PIK3CB: variants seen among roughly 807,000 people sequenced by gnomAD.
PIK3CB encodes phosphatidylinositol 4,5-bisphosphate 3-kinase catalytic subunit beta isoform.
In PIK3CB, 39 loss-of-function variants were observed where a neutral mutation model predicts 136.8. The observed-to-expected ratio is 0.29, with a 90% CI of 0.22 to 0.37. The LOEUF (loss-of-function observed/expected upper bound fraction) is 0.37. Among genes scored for constraint, PIK3CB ranks in the 10% least tolerant of loss-of-function variants. The pLI, the probability that PIK3CB is intolerant of heterozygous loss-of-function variation, is 1.00. For missense variants in PIK3CB, 868 were observed against 1,275.4 expected (o/e 0.68, Z 4.87); for synonymous variants, 428 against 436.6 (o/e 0.98, Z 0.25).
intron 19 of PIK3CB, among the ~76,000 whole-genome samples, chr3:138,678,564 A>G (rs2043697214): frequency 6.6e-6 from 1 of 152,142 alleles, no homozygotes; most frequent in Non-Finnish European, 1.5e-5. Flanking sequence ...AAAATTTCCT[A>G]ATAAAATACA....
At chr3:138,749,423 C>T (rs2045424537) in intron 4 of PIK3CB, among the ~76,000 whole-genome samples, 2 of 152,136 alleles carry the variant, frequency 1.3e-5, no homozygotes, top group Admixed American at 6.6e-5. Context: ...CTCCAATCCA[C>T]TCTTCATTCT....
chr3:138,705,191 A>AAAAAAC (rs1559828792), intron 11 of PIK3CB, among the ~76,000 whole-genome samples: 8 of 93,498 alleles, frequency 8.6e-5, no homozygotes, highest in African/African-American at 4.3e-4. Context: ...CAAAACAAAC[A>AAAAAAC]AAAAAAAAAA....
intron 2 of PIK3CB, among the ~76,000 whole-genome samples, chr3:138,776,221 A>G (rs2045856831): frequency 6.6e-6 from 1 of 152,176 alleles, no homozygotes; most frequent in Non-Finnish European, 1.5e-5. Flanking sequence ...GAAAGAAAGA[A>G]AAATGACATT....
chr3:138,726,407 G>C (rs188048227), intron 8 of PIK3CB, among the ~76,000 whole-genome samples: 155 of 152,252 alleles, frequency 1.0e-3, no homozygotes, highest in Non-Finnish European at 1.9e-3. Context: ...GGGAAGGGGA[G>C]ACTTACTCCA....
At chr3:138,719,902 A>C (rs979672105) in intron 8 of PIK3CB, among the ~76,000 whole-genome samples, 4 of 151,044 alleles carry the variant, frequency 2.6e-5, no homozygotes, top group South Asian at 2.1e-4. Context: ...AAACACTGAC[A>C]AAAAAAAAGG....
At chr3:138,765,356 T>C (rs896287774) in intron 2 of PIK3CB, among the ~76,000 whole-genome samples, 8 of 152,156 alleles carry the variant, frequency 5.3e-5, no homozygotes, top group Non-Finnish European at 7.4e-5. Context: ...TTATATTGGA[T>C]ATTAAAAATT....
At chr3:138,708,840 T>A (rs1199320244) in intron 10 of PIK3CB, among the ~76,000 whole-genome samples, 1 of 152,162 alleles carries the variant, frequency 6.6e-6, no homozygotes, top group Non-Finnish European at 1.5e-5. Context: ...TTTTGTCCTA[T>A]CAAATGCAAC....
At chr3:138,804,153 T>C (rs1179264319) in intron 1 of PIK3CB, among the ~76,000 whole-genome samples, 1 of 151,596 alleles carries the variant, frequency 6.6e-6, no homozygotes, top group African/African-American at 2.4e-5. Flanking sequence ...AAAAAATTTT[T>C]TAAAAAAAGA....
intron 6 of PIK3CB, among the ~76,000 whole-genome samples, chr3:138,736,327 G>C (rs146082740): frequency 2.7e-4 from 41 of 152,290 alleles, no homozygotes; most frequent in African/African-American, 9.4e-4. Context: ...GGCCACACCA[G>C]AAACCTGAGA....
chr3:138,728,867 T>C (rs1208544101), intron 8 of PIK3CB, among the ~76,000 whole-genome samples: 1 of 151,858 alleles, frequency 6.6e-6, no homozygotes, highest in Admixed American at 6.6e-5. Context: ...TCTTAAAGGA[T>C]AAAAATTTTC....
intron 21 of PIK3CB, among the ~76,000 whole-genome samples, chr3:138,658,843 A>C (rs1446310226): frequency 6.6e-6 from 1 of 152,208 alleles, no homozygotes; most frequent in African/African-American, 2.4e-5. Context: ...AACTCTCCTT[A>C]AAAATCTACA....
chr3:138,665,827 C>G (rs1401596776), intron 19 of PIK3CB, among the ~76,000 whole-genome samples: 1 of 152,206 alleles, frequency 6.6e-6, no homozygotes, highest in Admixed American at 6.5e-5. Context: ...ACCCCAGCCT[C>G]CCAAAGTGCT....
At position 138,733,367 on chromosome 3, in the gene PIK3CB, A is replaced by G; in HGVS notation, c.1044T>C (p.Thr348=). The G allele has an allele frequency of 6.6e-7, 1 of 1,520,220 alleles. No homozygotes were observed. Among genetic ancestry groups the G allele is most frequent in the South Asian group, 1.2e-5 (1 of 86,336 alleles). 94.2% of individuals were successfully genotyped at this position (1,520,220 alleles called of 1,614,324 possible). ...VKGNKLNTEE[T]VKVHVRAGLF... ...AATCTTAGTGGGTACTCACTTTTAC[A>G]GTTTCCTCTGTGTTAAGTTTATTTC... The change falls in exon 8 of 24, where the codon ACT becomes ACC. Residue 348 remains threonine (T), a synonymous_variant. Transcript: ENST00000674063.
chr3:138,793,027 T>G (rs144522052), intron 2 of PIK3CB, among the ~76,000 whole-genome samples: 4 of 152,096 alleles, frequency 2.6e-5, no homozygotes, highest in Non-Finnish European at 4.4e-5. Flanking sequence ...AGTGGTGAGG[T>G]TGGGATCCTG....
chr3:138,709,138 A>G lies in PIK3CB; in HGVS notation c.1400-1849T>C, dbSNP rs74573501. Among the ~76,000 whole-genome samples the G allele has an allele frequency of 8.6e-3, 1,306 of 152,306 alleles. 27 individuals are homozygous for G. The highest frequency in any genetic ancestry group is 0.028 in the African/African-American group (1,184 of 41,560). Reference sequence around the variant, plus strand: ...TGGAGAGCAAAAATTGATACACGCTATTGAGGAACAATTTGTAATGATAAG... The same window carrying G: ...TGGAGAGCAAAAATTGATACACGCTGTTGAGGAACAATTTGTAATGATAAG... On this transcript the variant is annotated intron_variant, in intron 10 of 23. Transcript: ENST00000674063.
chr3:138,721,434 G>C (rs1307552112), intron 8 of PIK3CB, among the ~76,000 whole-genome samples: 1 of 152,088 alleles, frequency 6.6e-6, no homozygotes, highest in African/African-American at 2.4e-5. Context: ...CAAACTGCTG[G>C]GATTACAGGC....
At chr3:138,688,260 G>C (rs965676957) in intron 16 of PIK3CB, among the ~76,000 whole-genome samples, 9 of 152,126 alleles carry the variant, frequency 5.9e-5, no homozygotes, top group African/African-American at 1.9e-4. Context: ...CCAGCACTTT[G>C]GGAGGCCGAG....
chr3:138,805,275 G>A (rs535135874), intron 1 of PIK3CB, among the ~76,000 whole-genome samples: 1 of 152,076 alleles, frequency 6.6e-6, no homozygotes, highest in South Asian at 2.1e-4. Flanking sequence ...GGAGGTTGCA[G>A]AGAGCCGAGA....
intron 8 of PIK3CB, among the ~76,000 whole-genome samples, chr3:138,728,376 A>G (rs529066616): frequency 1.3e-5 from 2 of 152,196 alleles, no homozygotes; most frequent in Non-Finnish European, 2.9e-5. Context: ...AGACCATAAA[A>G]TCCATAACAA....
Sources: allele counts gnomAD v4.1 joint callset (sites outside exome capture counted in the v4.1 genomes callset), GRCh38; gene constraint gnomAD v4.1.1; transcripts MANE v1.5; gene names NCBI Gene and HGNC (gene_info 2026-07-23, HGNC 2026-07-21).